CNTN5: variants seen among roughly 807,000 people sequenced by gnomAD.
The protein encoded by CNTN5 is contactin-5.
A neutral mutation model predicts 129.1 loss-of-function variants in CNTN5; 77 were observed. That is an observed-to-expected ratio of 0.60 (90% confidence interval 0.50 to 0.72). The LOEUF is 0.72. Ranked by LOEUF, CNTN5 falls within the 30% of genes least tolerant of loss-of-function variation. The pLI, the probability that CNTN5 is intolerant of heterozygous loss-of-function variation, is 0.00. For synonymous variants in CNTN5, 509 were observed against 465.6 expected, an observed-to-expected ratio of 1.09 and a Z score of -1.20; for missense variants, 1,478 against 1,328.8, an observed-to-expected ratio of 1.11 and a Z score of -1.75.
Position 99,835,156 on chromosome 11 carries a change from G to T in CNTN5, c.278-9696G>T, listed in dbSNP as rs567681163. The stretch of plus-strand genomic sequence containing the variant: ...GGTTGCCCTGTGGCGGGTAAGATCA[G>T]TACCATCACTACCTAAAATTGGTTC... On this transcript the variant is annotated intron_variant, in intron 4 of 24. Transcript: ENST00000524871. Among the ~76,000 whole-genome samples, 4 of 152,314 alleles carry T rather than the reference G, an allele frequency of 2.6e-5. No individual in the cohort carries two copies. The South Asian group carries it at 8.3e-4, about 32-fold the overall frequency.
chr11:99,656,944 T>A (rs1475622896), intron 3 of CNTN5, among the ~76,000 whole-genome samples: 3 of 75,560 alleles, frequency 4.0e-5, no homozygotes, highest in African/African-American at 1.2e-4. Flanking sequence ...CCAGACATTT[T>A]GAAAAAAAAA....
intron 3 of CNTN5, among the ~76,000 whole-genome samples, chr11:99,645,017 A>G: frequency 6.6e-6 from 1 of 151,536 alleles, no homozygotes; most frequent in Non-Finnish European, 1.5e-5. Context: ...CTGTAATCCC[A>G]GCACTTTGGG....
chr11:99,928,867 G>A (rs1360927915), intron 7 of CNTN5, among the ~76,000 whole-genome samples: 1 of 152,166 alleles, frequency 6.6e-6, no homozygotes, highest in Non-Finnish European at 1.5e-5. Context: ...TTATCAGGCT[G>A]CAAATTTTCT....
At position 99,201,462 on chromosome 11, in the gene CNTN5, C is replaced by CT. The variant is rs752376505; in HGVS notation, c.-209-123880dup. Reference sequence around the variant, plus strand: ...TTCTTCCTTTCTCTTTCCTTTTTTTCTTTTCTGTTCTTTCTTCTATTGTGA... The same window carrying CT: ...TTCTTCCTTTCTCTTTCCTTTTTTTCTTTTTCTGTTCTTTCTTCTATTGTGA... On this transcript the variant is annotated intron_variant, in intron 1 of 24. Transcript: ENST00000524871. Among the ~76,000 whole-genome samples, 46 of 124,862 alleles carry CT rather than the reference C, an allele frequency of 3.7e-4. No individual in the cohort carries two copies. The Middle Eastern group carries it at 0.016, about 44-fold the overall frequency. The allele number at this position is 124,862 out of a possible 152,430, so 81.9% of individuals were successfully genotyped here.
chr11:99,697,411 G>C (rs1440980049), intron 3 of CNTN5, among the ~76,000 whole-genome samples: 1 of 151,588 alleles, frequency 6.6e-6, no homozygotes, highest in African/African-American at 2.4e-5. Context: ...CGCCTAATAT[G>C]ATGCTTTGAG....
In CNTN5 at chr11:100,063,379, A is replaced by G. The variant is rs75740409; in HGVS notation, c.1162+1986A>G. 7.2e-3 allele frequency among the ~76,000 whole-genome samples: 1,095 copies of G among 151,106 alleles called. 8 individuals carry two copies. The highest frequency in any genetic ancestry group is 0.024 in the African/African-American group (980 of 40,714). On this transcript the variant is annotated intron_variant, in intron 10 of 24. Coordinates refer to ENST00000524871, the MANE Select transcript of CNTN5 (RefSeq NM_014361.4). ...ACCCAAAGCGTGCATCACTTTGAAT[A>G]GAAAAAAAAAAAAATCTAGATTGTT...
chr11:100,018,657 A>G (rs1940959078), intron 9 of CNTN5, among the ~76,000 whole-genome samples: 1 of 151,958 alleles, frequency 6.6e-6, no homozygotes, highest in Non-Finnish European at 1.5e-5. Flanking sequence ...TATGCACATA[A>G]GCATTGAAAG....
chr11:99,592,650 A>AAAAGG (rs1176714236), intron 3 of CNTN5, among the ~76,000 whole-genome samples: 1 of 152,164 alleles, frequency 6.6e-6, no homozygotes, highest in East Asian at 1.9e-4. Flanking sequence ...GAAAGAAAAG[A>AAAAGG]AAAGGGAAAA....
chr11:100,097,018 C>T (rs1444165223), intron 13 of CNTN5, among the ~76,000 whole-genome samples: 1 of 152,004 alleles, frequency 6.6e-6, no homozygotes, highest in Non-Finnish European at 1.5e-5. Flanking sequence ...TTTCTTAAAA[C>T]CACGCTGTGT....
intron 13 of CNTN5, among the ~76,000 whole-genome samples, chr11:100,182,482 T>C (rs1948167195): frequency 6.6e-6 from 1 of 152,050 alleles, no homozygotes; most frequent in East Asian, 1.9e-4. Flanking sequence ...CATCTCTAAA[T>C]ATCATCACAT....
chr11:99,972,085 TAA>T lies in CNTN5; in HGVS notation c.877+15101_877+15102del, dbSNP rs71050038. Among the ~76,000 whole-genome samples the T allele has an allele frequency of 3.2e-3, 293 of 92,194 alleles. 1 individual carries two copies. The highest frequency in any genetic ancestry group is 9.4e-3 in the African/African-American group (223 of 23,654). 60.5% of individuals were successfully genotyped at this position (92,194 alleles called of 152,430 possible). ...TAACACGGTGAAAACTTATCTCTAT[TAA>T]AAAAAAAAAAAAAAAAAAAAAAAAT... On this transcript the variant is annotated intron_variant, in intron 8 of 24. Transcript: ENST00000524871.
At chr11:100,290,283 G>T (rs939900832) in intron 18 of CNTN5, among the ~76,000 whole-genome samples, 1 of 152,260 alleles carries the variant, frequency 6.6e-6, no homozygotes, top group East Asian at 1.9e-4. Context: ...AACCAAAAAA[G>T]AGCCTGCATT....
intron 7 of CNTN5, among the ~76,000 whole-genome samples, chr11:99,945,489 C>CGTGTGT (rs3990615): frequency 0.25 from 37,771 of 148,810 alleles, 4,755 homozygotes; most frequent in East Asian, 0.32. Context: ...AACCTCTGTG[C>CGTGTGT]GTGTGTGTGT....
intron 6 of CNTN5, among the ~76,000 whole-genome samples, chr11:99,893,951 T>A (rs1949131953): frequency 6.6e-6 from 1 of 152,140 alleles, no homozygotes; most frequent in Non-Finnish European, 1.5e-5. Flanking sequence ...ATAGCATTTC[T>A]CTTTGTTTTC....
At chr11:100,274,468 C>G (rs1052848955) in intron 18 of CNTN5, among the ~76,000 whole-genome samples, 2 of 152,092 alleles carry the variant, frequency 1.3e-5, no homozygotes, top group Non-Finnish European at 2.9e-5. Flanking sequence ...TTTGCAAACT[C>G]TATATCTGAT....
chr11:99,666,244 A>G (rs1019088572), intron 3 of CNTN5, among the ~76,000 whole-genome samples: 1 of 152,216 alleles, frequency 6.6e-6, no homozygotes, highest in Non-Finnish European at 1.5e-5. Flanking sequence ...CTTGGATTAT[A>G]GGCATGAGCC....
chr11:99,549,012 T>C (rs944519889), intron 2 of CNTN5, among the ~76,000 whole-genome samples: 7 of 152,128 alleles, frequency 4.6e-5, no homozygotes, highest in Admixed American at 1.3e-4. Context: ...CTTTCTTCCA[T>C]AGCTTCCAGC....
chr11:99,098,221 C>G (rs564709521), intron 1 of CNTN5, among the ~76,000 whole-genome samples: 15 of 152,152 alleles, frequency 9.9e-5, no homozygotes, highest in African/African-American at 3.6e-4. Context: ...TATTTGTTGA[C>G]TTACTTACTG....
Position 99,780,586 on chromosome 11 carries a change from A to G in CNTN5, c.56-38958A>G, listed in dbSNP as rs77635602. 9.9e-3 allele frequency among the ~76,000 whole-genome samples: 1,514 copies of G among 152,180 alleles called. 30 individuals are homozygous for G. The highest frequency in any genetic ancestry group is 0.034 in the African/African-American group (1,420 of 41,542). On this transcript the variant is annotated intron_variant, in intron 3 of 24. Transcript: ENST00000524871. The stretch of plus-strand genomic sequence containing the variant: ...AGATGGGAGATCAGAGTGTAGTCCA[A>G]GAGAGTTTATTACAAGGATTAGCTC...
Sources: allele counts gnomAD v4.1 joint callset (sites outside exome capture counted in the v4.1 genomes callset), GRCh38; gene constraint gnomAD v4.1.1; transcripts MANE v1.5; gene names NCBI Gene and HGNC (gene_info 2026-07-23, HGNC 2026-07-21).